The following CSMD1 variants were observed in gnomAD, a reference collection of about 807,000 sequenced individuals.
The protein encoded by CSMD1 is CUB and Sushi multiple domains 1.
Under a neutral mutation model 417.5 loss-of-function variants are expected in CSMD1, and 213 were observed. That is an observed-to-expected ratio of 0.51 (90% CI 0.46 to 0.57). The LOEUF (loss-of-function observed/expected upper bound fraction) is 0.57. Among genes scored for constraint, CSMD1 ranks in the 20% least tolerant of loss-of-function variants. The probability of loss-of-function intolerance (pLI) is 0.00; values close to 1 mark genes in which losing one functional copy is unlikely to be tolerated. For missense variants in CSMD1, 6,923 were observed against 4,529.7 expected, an observed-to-expected ratio of 1.53 and a Z score of -15.17; for synonymous variants, 2,862 against 1,736.8, an observed-to-expected ratio of 1.65 and a Z score of -16.11.
At chr8:3,487,467 T>C (rs894935480) in intron 11 of CSMD1, among the ~76,000 whole-genome samples, 44 of 152,210 alleles carry the variant, frequency 2.9e-4, no homozygotes, top group East Asian at 7.7e-4. Flanking sequence ...TCCCCAAGTG[T>C]TGGGATTACA....
At chr8:3,329,039 A>G (rs766752019) in intron 23 of CSMD1, among the ~76,000 whole-genome samples, 1 of 152,140 alleles carries the variant, frequency 6.6e-6, no homozygotes, top group Non-Finnish European at 1.5e-5. Context: ...TTACCTAAAT[A>G]TGGAGGCTGC....
intron 5 of CSMD1, among the ~76,000 whole-genome samples, chr8:3,764,662 G>C (rs928900582): frequency 2.0e-5 from 3 of 152,058 alleles, no homozygotes; most frequent in African/African-American, 7.2e-5. Context: ...ACAGGGGCTG[G>C]GGAGTTCATT....
At chr8:3,664,740 T>C (rs1358853490) in intron 7 of CSMD1, among the ~76,000 whole-genome samples, 3 of 152,254 alleles carry the variant, frequency 2.0e-5, no homozygotes, top group East Asian at 3.8e-4. Flanking sequence ...CTAATGAAGA[T>C]GTCCAGGTTA....
At chr8:4,057,524 G>C (rs950506010) in intron 3 of CSMD1, among the ~76,000 whole-genome samples, 4 of 152,114 alleles carry the variant, frequency 2.6e-5, no homozygotes, top group African/African-American at 7.2e-5. Context: ...CTGTGCAGAA[G>C]CTCTTTAGTT....
At chr8:4,010,711 C>T (rs1161690592) in intron 4 of CSMD1, among the ~76,000 whole-genome samples, 1 of 152,132 alleles carries the variant, frequency 6.6e-6, no homozygotes, top group African/African-American at 2.4e-5. Flanking sequence ...TTTTCCTTGT[C>T]CCTATCATGT....
At chr8:3,583,671 T>C (rs1480514976) in intron 9 of CSMD1, among the ~76,000 whole-genome samples, 4 of 151,878 alleles carry the variant, frequency 2.6e-5, no homozygotes, top group Non-Finnish European at 2.9e-5. Flanking sequence ...GGCTGGGTGA[T>C]TTTGAAACTT....
At chr8:3,987,353 G>A (rs753923811) in intron 5 of CSMD1, among the ~76,000 whole-genome samples, 2 of 152,186 alleles carry the variant, frequency 1.3e-5, no homozygotes, top group Non-Finnish European at 2.9e-5. Flanking sequence ...CTTTGCAACT[G>A]CATTGCTTAT....
intron 3 of CSMD1, among the ~76,000 whole-genome samples, chr8:4,205,924 G>A (rs879671338): frequency 3.3e-5 from 5 of 152,064 alleles, no homozygotes; most frequent in East Asian, 1.9e-4. Flanking sequence ...CTGCAGCCAC[G>A]TTTTTCTGAC....
intron 11 of CSMD1, among the ~76,000 whole-genome samples, chr8:3,488,171 T>G (rs192297937): frequency 6.6e-6 from 1 of 152,136 alleles, no homozygotes; most frequent in East Asian, 1.9e-4. Flanking sequence ...GGGGTCATCA[T>G]AGCTCACTGC....
At chr8:3,192,948 A>G (rs79491562) in intron 33 of CSMD1, among the ~76,000 whole-genome samples, 1 of 149,754 alleles carries the variant, frequency 6.7e-6, no homozygotes, top group Non-Finnish European at 1.5e-5. Flanking sequence ...AAAAAAAAAA[A>G]GATATCCCAT....
intron 1 of CSMD1, among the ~76,000 whole-genome samples, chr8:4,674,334 G>T (rs1207038006): frequency 6.6e-6 from 1 of 152,036 alleles, no homozygotes; most frequent in Non-Finnish European, 1.5e-5. Context: ...TGCTAAGGAA[G>T]GTAAACGCAA....
chr8:3,602,804 G>A (rs966792221), intron 8 of CSMD1, among the ~76,000 whole-genome samples: 1 of 151,888 alleles, frequency 6.6e-6, no homozygotes, highest in Non-Finnish European at 1.5e-5. Context: ...AATAGTCCCC[G>A]AGATGGCATA....
chr8:4,289,128 T>C (rs1023275207), intron 3 of CSMD1, among the ~76,000 whole-genome samples: 1 of 152,164 alleles, frequency 6.6e-6, no homozygotes, highest in Non-Finnish European at 1.5e-5. Flanking sequence ...ATGAATTAAC[T>C]AGTTACAGTT....
intron 26 of CSMD1, among the ~76,000 whole-genome samples, chr8:3,257,860 C>T (rs546048921): frequency 6.6e-6 from 1 of 152,170 alleles, no homozygotes; most frequent in African/African-American, 2.4e-5. Flanking sequence ...GGGCTTGACT[C>T]AGTGATCCAG....
At chr8:4,244,893 A>C (rs1197084592) in intron 3 of CSMD1, among the ~76,000 whole-genome samples, 1 of 152,190 alleles carries the variant, frequency 6.6e-6, no homozygotes, top group Non-Finnish European at 1.5e-5. Context: ...TGATAGATAT[A>C]ATGGAGATAA....
intron 2 of CSMD1, among the ~76,000 whole-genome samples, chr8:4,426,587 C>A (rs1055867251): frequency 7.2e-6 from 1 of 139,378 alleles, no homozygotes; most frequent in Non-Finnish European, 1.5e-5. Flanking sequence ...ACAGTATGTG[C>A]AGTATAGTAT....
chr8:3,680,172 A>G (rs1300988677), intron 7 of CSMD1, among the ~76,000 whole-genome samples: 1 of 152,188 alleles, frequency 6.6e-6, no homozygotes, highest in Non-Finnish European at 1.5e-5. Context: ...AGAAGGCAAG[A>G]AACAACTCAG....
At chr8:4,042,160 G>C (rs760770707) in intron 3 of CSMD1, among the ~76,000 whole-genome samples, 5 of 152,062 alleles carry the variant, frequency 3.3e-5, no homozygotes, top group Non-Finnish European at 5.9e-5. Flanking sequence ...CTAAAACAGT[G>C]AACTCATAAA....
At chr8:3,244,610 A>G (rs1799760257) in intron 26 of CSMD1, among the ~76,000 whole-genome samples, 2 of 152,192 alleles carry the variant, frequency 1.3e-5, no homozygotes, top group African/African-American at 4.8e-5. Context: ...CGTTGAACCC[A>G]AGGCAGGACA....
Sources: gnomAD v4.1 joint callset for allele counts (sites outside exome capture counted in the v4.1 genomes callset) on GRCh38, gnomAD v4.1.1 for gene constraint, MANE v1.5 for transcripts, NCBI Gene and HGNC (gene_info 2026-07-23, HGNC 2026-07-21) for gene names.